MARCHF1: variants seen among roughly 807,000 people sequenced by gnomAD.
The protein encoded by MARCHF1 is membrane associated ring-CH-type finger 1.
In MARCHF1, 40 loss-of-function variants were observed where a neutral mutation model predicts 54.2. That is an observed-to-expected ratio of 0.74 (90% CI 0.57 to 0.96). The LOEUF (loss-of-function observed/expected upper bound fraction) is 0.96, where lower values mean the gene tolerates loss of function less well. Ranked by LOEUF, MARCHF1 falls within the 40% of genes least tolerant of loss-of-function variation. The pLI is 0.00. For missense variants in MARCHF1, 586 were observed against 656.5 expected (o/e 0.89, Z 1.17); for synonymous variants, 236 against 236.3 (o/e 1.00, Z 0.01).
intron 3 of MARCHF1, among the ~76,000 whole-genome samples, chr4:163,982,968 G>A (rs559865018): frequency 2.6e-5 from 4 of 152,134 alleles, no homozygotes; most frequent in African/African-American, 4.8e-5. Flanking sequence ...TGTGATACAC[G>A]GATTATTTTA....
intron 4 of MARCHF1, among the ~76,000 whole-genome samples, chr4:163,721,410 G>A (rs1745453277): frequency 2.0e-5 from 3 of 152,090 alleles, no homozygotes; most frequent in South Asian, 4.1e-4. Context: ...GCTTTTTGAT[G>A]TGCTGCTGGA....
chr4:164,102,622 C>A (rs1441436771), intron 2 of MARCHF1, among the ~76,000 whole-genome samples: 1 of 151,438 alleles, frequency 6.6e-6, no homozygotes, highest in East Asian at 1.9e-4. Flanking sequence ...AAGCACTAAA[C>A]ATGGAAAGGA....
chr4:163,903,487 A>G (rs1750985215), intron 3 of MARCHF1, among the ~76,000 whole-genome samples: 2 of 152,252 alleles, frequency 1.3e-5, no homozygotes, highest in African/African-American at 4.8e-5. Flanking sequence ...GATGATTTGT[A>G]TGTTTTAAAT....
chr4:163,938,315 T>A (rs1751844151), intron 3 of MARCHF1, among the ~76,000 whole-genome samples: 1 of 152,200 alleles, frequency 6.6e-6, no homozygotes, highest in Non-Finnish European at 1.5e-5. Context: ...CTCGATCCAA[T>A]GATGGCAAAT....
rs116337373 is a variant in MARCHF1, at chr4:163,559,284, A to G, written c.1192-13541T>C. Reference sequence around the variant, plus strand: ...AGTCTTCAAGTATACACACAAATGTATTGGAATGTAAATATTCAAACCATT... The same window carrying G: ...AGTCTTCAAGTATACACACAAATGTGTTGGAATGTAAATATTCAAACCATT... On this transcript the variant is annotated intron_variant, in intron 8 of 9. Coordinates refer to ENST00000514618, the MANE Select transcript of MARCHF1 (RefSeq NM_001394959.1). Among the ~76,000 whole-genome samples the G allele has an allele frequency of 4.2e-3, 644 of 152,354 alleles. 3 individuals are homozygous for G. The highest frequency in any genetic ancestry group is 7.6e-3 in the Non-Finnish European group (520 of 68,032).
At chr4:164,106,747 C>T (rs1379063935) in intron 2 of MARCHF1, among the ~76,000 whole-genome samples, 2 of 111,868 alleles carry the variant, frequency 1.8e-5, no homozygotes, top group African/African-American at 3.2e-5. Flanking sequence ...GCACATGTAC[C>T]CTAAAACTTG....
At chr4:164,382,820 CT>C in intron 1 of MARCHF1, among the ~76,000 whole-genome samples, 1 of 152,288 alleles carries the variant, frequency 6.6e-6, no homozygotes, top group East Asian at 1.9e-4. Context: ...ACTAAGGTAC[CT>C]GAGCAGGTTC....
At chr4:164,023,569 TTAAAA>T (rs1221471580) in intron 2 of MARCHF1, among the ~76,000 whole-genome samples, 2 of 152,042 alleles carry the variant, frequency 1.3e-5, no homozygotes, top group African/African-American at 4.8e-5. Context: ...CTGAAAATAC[TTAAAA>T]TAAAGACAAT....
At chr4:164,199,677 C>CAGAGAG (rs752515952) in intron 1 of MARCHF1, among the ~76,000 whole-genome samples, 395 of 63,886 alleles carry the variant, frequency 6.2e-3, no homozygotes, top group Non-Finnish European at 8.3e-3. Flanking sequence ...CACACACACA[C>CAGAGAG]ACACAGAGAG....
intron 2 of MARCHF1, among the ~76,000 whole-genome samples, chr4:164,007,058 G>T (rs1319529995): frequency 6.9e-6 from 1 of 143,916 alleles, no homozygotes; most frequent in African/African-American, 2.6e-5. Context: ...AAACTTTTTG[G>T]CAGGGCGTGG....
At chr4:164,263,139 CGT>C (rs148563010) in intron 1 of MARCHF1, among the ~76,000 whole-genome samples, 10,098 of 148,426 alleles carry the variant, frequency 0.068, 433 homozygotes, top group East Asian at 0.23. Flanking sequence ...TGTACGCGTG[CGT>C]GTGTGTGTGT....
intron 9 of MARCHF1, among the ~76,000 whole-genome samples, chr4:163,543,747 ATG>A (rs1351027977): frequency 2.6e-5 from 4 of 152,182 alleles, no homozygotes; most frequent in Non-Finnish European, 5.9e-5. Context: ...GATAAAATAA[ATG>A]TAAGAGAGGG....
At chr4:163,966,302 T>TA (rs987184313) in intron 3 of MARCHF1, among the ~76,000 whole-genome samples, 17 of 151,684 alleles carry the variant, frequency 1.1e-4, no homozygotes, top group South Asian at 6.2e-4. Flanking sequence ...TCCCCACCAT[T>TA]AAAAAAAACA....
At chr4:164,217,501 A>G (rs1362805052) in intron 1 of MARCHF1, among the ~76,000 whole-genome samples, 6 of 152,236 alleles carry the variant, frequency 3.9e-5, no homozygotes, top group Non-Finnish European at 8.8e-5. Flanking sequence ...AGGATGGCCA[A>G]TTAGGGAGGG....
chr4:163,926,212 T>C (rs184368746), intron 3 of MARCHF1, among the ~76,000 whole-genome samples: 35 of 151,786 alleles, frequency 2.3e-4, no homozygotes, highest in African/African-American at 8.2e-4. Flanking sequence ...ATAGGCTAGT[T>C]TTGGCTGTTT....
chr4:163,839,354 A>G (rs757943915), intron 4 of MARCHF1, among the ~76,000 whole-genome samples: 3 of 152,084 alleles, frequency 2.0e-5, no homozygotes, highest in Non-Finnish European at 2.9e-5. Flanking sequence ...CCAATCAATT[A>G]CACTCCTAAG....
At chr4:163,793,650 C>T (rs915845276) in intron 4 of MARCHF1, among the ~76,000 whole-genome samples, 12 of 152,064 alleles carry the variant, frequency 7.9e-5, no homozygotes, top group Admixed American at 6.6e-4. Context: ...GACAGCCCGG[C>T]GCCATACCCT....
chr4:164,066,867 G>C (rs1016569987), intron 2 of MARCHF1, among the ~76,000 whole-genome samples: 1 of 152,130 alleles, frequency 6.6e-6, no homozygotes, highest in African/African-American at 2.4e-5. Context: ...GGGGGCTTTT[G>C]AAGGGTGGCG....
chr4:163,803,767 GTGTT>G (rs1748149617), intron 4 of MARCHF1, among the ~76,000 whole-genome samples: 1 of 151,870 alleles, frequency 6.6e-6, no homozygotes, highest in African/African-American at 2.4e-5. Context: ...GGAAAATACA[GTGTT>G]TGATCCCAAT....
Sources: allele counts gnomAD v4.1 joint callset (sites outside exome capture counted in the v4.1 genomes callset), GRCh38; gene constraint gnomAD v4.1.1; transcripts MANE v1.5; gene names NCBI Gene and HGNC (gene_info 2026-07-23, HGNC 2026-07-21).